Variants in TTC7A observed in about 807,000 individuals in gnomAD.
TTC7A encodes the protein tetratricopeptide repeat protein 7A.
Under a neutral mutation model 103.7 loss-of-function variants are expected in TTC7A, and 110 were observed. That is an observed-to-expected ratio of 1.06 (90% CI 0.91 to 1.24). The LOEUF is 1.24. Among genes scored for constraint, TTC7A ranks in the 50% most tolerant of loss-of-function variants. The pLI is 0.00. For synonymous variants in TTC7A, 521 were observed against 467.9 expected (o/e 1.11, Z -1.47); for missense variants, 1,340 against 1,116.3 (o/e 1.20, Z -2.86).
chr2:47,049,349 T>TC (rs531502300), intron 16 of TTC7A, among the ~76,000 whole-genome samples: 43 of 150,678 alleles, frequency 2.9e-4, no homozygotes, highest in Non-Finnish European at 3.8e-4. Flanking sequence ...GAGGAACCCC[T>TC]CCCCCCCGCC....
intron 3 of TTC7A, among the ~76,000 whole-genome samples, chr2:46,964,459 G>C (rs1028180717): frequency 3.3e-5 from 5 of 152,128 alleles, no homozygotes; most frequent in Non-Finnish European, 5.9e-5. Flanking sequence ...CTTCACTGGG[G>C]TTTCTAGATC....
At chr2:46,929,265 C>T (rs1669567988) in intron 2 of TTC7A, among the ~76,000 whole-genome samples, 1 of 151,860 alleles carries the variant, frequency 6.6e-6, no homozygotes, top group Admixed American at 6.6e-5. Context: ...AGGAAGACTG[C>T]TTGAGGCCCA....
chr2:46,962,347 C>G (rs1453161892), intron 3 of TTC7A, among the ~76,000 whole-genome samples: 1 of 152,188 alleles, frequency 6.6e-6, no homozygotes, highest in African/African-American at 2.4e-5. Flanking sequence ...TCACTTGGAC[C>G]TCAGCTCAGT....
intron 11 of TTC7A, among the ~76,000 whole-genome samples, chr2:47,011,921 G>T (rs568828089): frequency 1.3e-5 from 2 of 152,252 alleles, no homozygotes; most frequent in Admixed American, 6.5e-5. Flanking sequence ...GCCCTGCCCT[G>T]TGCTCCGCTG....
chr2:46,972,366 G>A (rs547642080), intron 3 of TTC7A, among the ~76,000 whole-genome samples: 42 of 151,984 alleles, frequency 2.8e-4, no homozygotes, highest in African/African-American at 9.2e-4. Flanking sequence ...ATTTTAAATC[G>A]CAGTAAAAAA....
chr2:46,925,933 T>G (rs1373873085), intron 2 of TTC7A, among the ~76,000 whole-genome samples: 1 of 152,196 alleles, frequency 6.6e-6, no homozygotes, highest in African/African-American at 2.4e-5. Context: ...GCCACCCAGG[T>G]GTCAGCTAAG....
At chr2:47,005,839 GC>G in intron 8 of TTC7A, 82 bp from the exon 9 acceptor site, 1 of 1,523,482 alleles carries the variant, frequency 6.6e-7, no homozygotes, top group South Asian at 1.2e-5. Flanking sequence ...TAGCGGCTGG[GC>G]CAGCAAGGTG....
At chr2:47,015,164 G>A (rs764119502) in intron 11 of TTC7A, among the ~76,000 whole-genome samples, 4 of 152,262 alleles carry the variant, frequency 2.6e-5, no homozygotes, top group Non-Finnish European at 4.4e-5. Context: ...AGAGAGGCCT[G>A]CATGGCAGCC....
rs917026756 is a variant in TTC7A, at chr2:46,992,013, C to T, written c.765-1437C>T. On this transcript the variant is annotated intron_variant, in intron 5 of 19. Transcript: ENST00000319190. ...TCATGGCTCCCAGGCCCCAAAGCCC[C>T]CAGGAGCCTGTTTTGTGCATGAAAT... is the stretch of plus-strand genomic sequence containing the variant. Among the ~76,000 whole-genome samples the T allele has an allele frequency of 2.6e-5, 4 of 152,208 alleles. No homozygotes were observed. In the East Asian group the frequency reaches 7.7e-4, roughly 29 times the overall value.
chr2:47,035,008 C>T (rs763084876), intron 15 of TTC7A, among the ~76,000 whole-genome samples: 19 of 152,374 alleles, frequency 1.2e-4, no homozygotes, highest in Non-Finnish European at 2.1e-4. Flanking sequence ...TGGAGCCATA[C>T]CTTGACTGAC....
At chr2:46,953,506 G>A (rs539407426) in intron 2 of TTC7A, among the ~76,000 whole-genome samples, 44 of 152,258 alleles carry the variant, frequency 2.9e-4, no homozygotes, top group Middle Eastern at 6.8e-3. Flanking sequence ...CACAGTTGGC[G>A]TGACCTTTCT....
In TTC7A at chr2:47,059,215, G is replaced by A. The variant is rs190540828; in HGVS notation, c.2153-1554G>A. 3.5e-3 allele frequency among the ~76,000 whole-genome samples: 536 copies of A among 151,528 alleles called. 2 individuals are homozygous for A. Among genetic ancestry groups the A allele is most frequent in the African/African-American group, 0.013 (520 of 41,284 alleles). On this transcript the variant is annotated intron_variant, in intron 18 of 19. Transcript: ENST00000319190. The stretch of plus-strand genomic sequence containing the variant: ...TTTTTGTATTTTTACTAGAGACGGG[G>A]TTTCACCATCCTGGCCAGGCTGGTC...
At chr2:46,915,888 C>T (rs1668750319), upstream of TTC7A, 2 of 984,914 alleles carry the variant, frequency 2.0e-6, no homozygotes, top group African/African-American at 1.7e-5. Flanking sequence ...GGGCCCCTCC[C>T]GCTGGCGGCG....
chr2:46,917,398 C>G (rs1365908161), intron 2 of TTC7A: 1 of 569,412 alleles, frequency 1.8e-6, no homozygotes, highest in Non-Finnish European at 3.1e-6. Context: ...CTCCTTCTAC[C>G]CTGCATCTGC....
At chr2:46,978,770 C>T (rs1407661195) in intron 4 of TTC7A, 22 bp from the exon 5 acceptor site, 5 of 1,603,160 alleles carry the variant, frequency 3.1e-6, no homozygotes, top group East Asian at 2.2e-5. Context: ...GACAATGGCT[C>T]TCTCTCTGTT....
At chr2:46,984,824 G>A (rs1008853237) in intron 5 of TTC7A, among the ~76,000 whole-genome samples, 5 of 152,176 alleles carry the variant, frequency 3.3e-5, no homozygotes, top group Admixed American at 3.3e-4. Flanking sequence ...CTTCGGGCCT[G>A]AGCGGCCTGG....
intron 15 of TTC7A, among the ~76,000 whole-genome samples, chr2:47,037,484 C>T (rs552601970): frequency 6.6e-6 from 1 of 152,336 alleles, no homozygotes; most frequent in Non-Finnish European, 1.5e-5. Context: ...GTCTTTACAG[C>T]ACCCCTGTTT....
intron 2 of TTC7A, among the ~76,000 whole-genome samples, chr2:46,931,346 A>C (rs900388287): frequency 1.3e-5 from 2 of 152,262 alleles, no homozygotes; most frequent in African/African-American, 4.8e-5. Flanking sequence ...TCAGCTTCTG[A>C]AAGTGCTGGG....
intron 11 of TTC7A, among the ~76,000 whole-genome samples, chr2:47,018,416 C>G (rs142462985): frequency 0.042 from 6,370 of 151,860 alleles, 166 homozygotes; most frequent in African/African-American, 0.055. Flanking sequence ...AACCCTGTCT[C>G]TGCTAAAAAT....
Sources: gnomAD v4.1 joint callset for allele counts (sites outside exome capture counted in the v4.1 genomes callset) on GRCh38, gnomAD v4.1.1 for gene constraint, MANE v1.5 for transcripts, NCBI Gene and HGNC (gene_info 2026-07-23, HGNC 2026-07-21) for gene names.